The following WDFY1 variants were observed in gnomAD, a reference collection of about 807,000 sequenced individuals.
WDFY1 encodes the protein WD repeat and FYVE domain containing 1, also known as WD repeat and FYVE domain-containing protein 1.
Under a neutral mutation model 56.4 loss-of-function variants are expected in WDFY1, and 32 were observed. The observed-to-expected ratio is 0.57, with a 90% CI of 0.43 to 0.76. WDFY1 has a LOEUF of 0.76. Among genes scored for constraint, WDFY1 ranks in the 30% least tolerant of loss-of-function variants. The pLI is 0.00. For synonymous variants in WDFY1, 192 were observed against 197.3 expected, an observed-to-expected ratio of 0.97 and a Z score of 0.23; for missense variants, 480 against 545.7, an observed-to-expected ratio of 0.88 and a Z score of 1.20.
chr2:223,918,330 A>T (rs574972276), intron 1 of WDFY1, among the ~76,000 whole-genome samples: 40 of 152,176 alleles, frequency 2.6e-4, no homozygotes, highest in Non-Finnish European at 5.1e-4. Flanking sequence ...AATCATTTCA[A>T]TAATATGAAA....
intron 4 of WDFY1, among the ~76,000 whole-genome samples, chr2:223,902,625 A>G (rs1693523866): frequency 6.6e-6 from 1 of 152,180 alleles, no homozygotes; most frequent in Admixed American, 6.5e-5. Context: ...GCCATATCTC[A>G]TAAGATCTGT....
At position 223,895,474 on chromosome 2, in the gene WDFY1, C is replaced by T. The variant is rs75033384; in HGVS notation, c.725+30G>A. On this transcript the variant is annotated intron_variant, in intron 7 of 11. Transcript: ENST00000233055. ...CACTAGCTCCCCACTAACTCGGATT[C>T]TTTCCCCACCCCCACAAGTGGTCAC... 2.9e-3 allele frequency: 4,734 copies of T among 1,613,616 alleles called. 7 individuals are homozygous for T. Among genetic ancestry groups the T allele is most frequent in the Non-Finnish European group, 3.8e-3 (4,445 of 1,179,680 alleles).
intron 3 of WDFY1, 57 bp downstream of exon 3, chr2:223,912,196 T>C: frequency 6.6e-7 from 1 of 1,508,652 alleles, no homozygotes; most frequent in Non-Finnish European, 8.9e-7. Context: ...ACATGGGAGG[T>C]CAATATAAAG....
At chr2:223,909,832 C>A (rs1693662264) in intron 3 of WDFY1, among the ~76,000 whole-genome samples, 1 of 152,216 alleles carries the variant, frequency 6.6e-6, no homozygotes, top group African/African-American at 2.4e-5. Context: ...GATTCTCCCA[C>A]CGCCACTCTG....
intron 5 of WDFY1, 63 bp from the exon 6 acceptor site, chr2:223,899,133 T>G: frequency 1.5e-6 from 2 of 1,314,858 alleles, no homozygotes; most frequent in Non-Finnish European, 2.2e-6. Flanking sequence ...ATAAGAGAGA[T>G]ACCAGCATTA....
chr2:223,913,589 T>A (rs509709), intron 2 of WDFY1, among the ~76,000 whole-genome samples: 131,590 of 152,238 alleles, frequency 0.86, 57,352 homozygotes, highest in Non-Finnish European at 0.93. Flanking sequence ...TGTTCTTTAA[T>A]AAACCATGCA....
In WDFY1 at chr2:223,912,214, T is replaced by A. The variant is rs931922651; in HGVS notation, c.279+39A>T. 8 of 1,567,234 alleles carry A rather than the reference T, an allele frequency of 5.1e-6. No homozygotes were observed. In the African/African-American group the frequency reaches 9.7e-5, roughly 19 times the overall value. ...TGGGAGGTCAATATAAAGAATATAATATAAAGAATACAATAAATACATTCT... is the reference window on the plus strand; with the variant it reads ...TGGGAGGTCAATATAAAGAATATAAAATAAAGAATACAATAAATACATTCT... On this transcript the variant is annotated intron_variant, in intron 3 of 11. Coordinates refer to ENST00000233055, the MANE Select transcript of WDFY1 (RefSeq NM_020830.5).
intron 6 of WDFY1, among the ~76,000 whole-genome samples, chr2:223,896,173 A>AAAAAAAAAAC (rs1559165588): frequency 7.4e-5 from 11 of 148,322 alleles, no homozygotes; most frequent in Non-Finnish European, 1.3e-4. Flanking sequence ...AAAAAAAAAA[A>AAAAAAAAAAC]AAAAAAAAAA....
At chr2:223,881,710 C>T (rs2106069958) in intron 10 of WDFY1, among the ~76,000 whole-genome samples, 1 of 152,248 alleles carries the variant, frequency 6.6e-6, no homozygotes, top group Middle Eastern at 3.4e-3. Flanking sequence ...ATCGCTTGAA[C>T]CCGGGAGGCA....
At chr2:223,921,585 G>C (rs1009574905) in intron 1 of WDFY1, among the ~76,000 whole-genome samples, 1 of 152,040 alleles carries the variant, frequency 6.6e-6, no homozygotes, top group African/African-American at 2.4e-5. Flanking sequence ...GATATTTGAG[G>C]ATATTTTAAA....
chr2:223,889,137 C>T (rs1309809873), intron 8 of WDFY1, among the ~76,000 whole-genome samples: 1 of 152,096 alleles, frequency 6.6e-6, no homozygotes, highest in African/African-American at 2.4e-5. Context: ...CTCCTGACCT[C>T]AGGGGATTCA....
rs58321859 is a variant in WDFY1 at position 223,935,042 on chromosome 2, C to T, written c.137+10106G>A. 4.9e-3 allele frequency among the ~76,000 whole-genome samples: 740 copies of T among 152,252 alleles called. 5 individuals are homozygous for T. The highest frequency in any genetic ancestry group is 0.044 in the Middle Eastern group (13 of 294). ...TGAGAAGAGGGTTTCGGCGAGGGAACAGCACAGCAGGACGAAGCCTCTATG... is the reference window on the plus strand; with the variant it reads ...TGAGAAGAGGGTTTCGGCGAGGGAATAGCACAGCAGGACGAAGCCTCTATG... On this transcript the variant is annotated intron_variant, in intron 1 of 11. Coordinates refer to ENST00000233055, the MANE Select transcript of WDFY1 (RefSeq NM_020830.5).
chr2:223,916,492 AATC>A (rs2106091555), intron 2 of WDFY1, among the ~76,000 whole-genome samples: 1 of 152,322 alleles, frequency 6.6e-6, no homozygotes, highest in East Asian at 1.9e-4. Flanking sequence ...TTCAGTAACA[AATC>A]ATCACGCATG....
At position 223,940,645 on chromosome 2, in the gene WDFY1, CT is replaced by C. The variant is rs34758959; in HGVS notation, c.137+4502del. Among the ~76,000 whole-genome samples, 445 of 144,652 alleles carry C rather than the reference CT, an allele frequency of 3.1e-3. 1 individual carries two copies. Among genetic ancestry groups the C allele is most frequent in the Middle Eastern group, 7.1e-3 (2 of 280 alleles). The allele number at this position is 144,652 out of a possible 152,430, so 94.9% of individuals were successfully genotyped here. A position where few individuals can be genotyped will look rare whatever the true frequency, so the allele number is the denominator to read the frequency against. On this transcript the variant is annotated intron_variant, in intron 1 of 11. Transcript: ENST00000233055. ...TAAGGTCCAAATTCCTTATTTCTTT[CT>C]TTTTTTTTTTTTTGAGACAAAGTTT...
chr2:223,895,580 C>A lies in WDFY1; in HGVS notation c.649G>T (p.Gly217Ter). ...ATGATGATGCTGTTGTCAGATGCTC[C>A]TGAGAAGAGTAACCGCTGAATAGGG... ...WDPIQRLLFS[G>*]ASDNSIIMWD... The change falls in exon 7 of 12, where the codon GGA (glycine) becomes TGA (stop). Residue 217 changes from glycine (G) to a stop codon, truncating the protein, a stop_gained. Transcript: ENST00000233055. LOFTEE classifies it high-confidence loss of function. The A allele has an allele frequency of 6.2e-7, 1 of 1,613,992 alleles. No homozygotes were observed. The highest frequency in any genetic ancestry group is 8.5e-7 in the Non-Finnish European group (1 of 1,179,970).
chr2:223,877,945 A>G lies in WDFY1; in HGVS notation c.*726T>C, dbSNP rs1559160170. 1.3e-5 allele frequency: 2 copies of G among 152,570 alleles called. No individual in the cohort carries two copies. The highest frequency in any genetic ancestry group is 4.8e-5 in the African/African-American group (2 of 41,444). The allele number at this position is 152,570 out of a possible 1,614,324, so 9.5% of individuals were successfully genotyped here. A position where few individuals can be genotyped will look rare whatever the true frequency, so the allele number is the denominator to read the frequency against. ...CAGCACCATAAAAAAGTTTTGCCCT[A>G]GGAATTTGGGGGAAAGGGAAGAATG... is the stretch of plus-strand genomic sequence containing the variant. On this transcript the variant is annotated 3_prime_UTR_variant, in exon 12 of 12. Coordinates refer to ENST00000233055, the MANE Select transcript of WDFY1 (RefSeq NM_020830.5).
At chr2:223,881,867 A>C in intron 10 of WDFY1, 75 bp downstream of exon 10, 2 of 1,561,490 alleles carry the variant, frequency 1.3e-6, no homozygotes, top group Non-Finnish European at 1.7e-6. Flanking sequence ...ATCACTTCTG[A>C]AGCTCTTCAC....
Position 223,881,986 on chromosome 2 carries a change from T to C in WDFY1, c.1020A>G (p.Gln340=), listed in dbSNP as rs1415661750. The stretch of plus-strand genomic sequence containing the variant: ...CGTAACAAGAATCACAAACCCGGAC[T>C]TGGAACTCGAAGCCCATGACTGGGT... ...SSYPVMGFEF[Q]VRVCDSCYDS... is the part of the protein sequence containing the mutation. Residue 340 remains glutamine (Q), a synonymous_variant, in exon 10 of 12, where the codon CAA becomes CAG. Coordinates refer to ENST00000233055, the MANE Select transcript of WDFY1 (RefSeq NM_020830.5). The C allele has an allele frequency of 1.2e-5, 20 of 1,613,930 alleles. No homozygotes were observed. The Middle Eastern group carries it at 4.9e-4, about 40-fold the overall frequency.
chr2:223,921,110 CGGGTGTTGGTAACCATGGATATATGTATT>C (rs1693878433), intron 1 of WDFY1, among the ~76,000 whole-genome samples: 1 of 152,056 alleles, frequency 6.6e-6, no homozygotes, highest in Admixed American at 6.6e-5. Flanking sequence ...ATCAAGGCTC[CGGGTGTTGGTAACCATGGATATATGTATT>C]TGTTAGAACC....
Sources: allele counts gnomAD v4.1 joint callset (sites outside exome capture counted in the v4.1 genomes callset), GRCh38; gene constraint gnomAD v4.1.1; transcripts MANE v1.5; gene names NCBI Gene and HGNC (gene_info 2026-07-23, HGNC 2026-07-21).